The following CDH23 variants were observed in gnomAD, a reference collection of about 807,000 sequenced individuals.
CDH23 encodes cadherin-23.
CDH23 carries 189 observed loss-of-function variants against 317.1 expected under a neutral mutation model. That is an observed-to-expected ratio of 0.60 (90% CI 0.53 to 0.67). The LOEUF (loss-of-function observed/expected upper bound fraction) is 0.67, where lower values mean the gene tolerates loss of function less well. CDH23 is among the 30% of genes least tolerant of loss of function. The probability of loss-of-function intolerance (pLI) is 0.00; values close to 1 mark genes in which losing one functional copy is unlikely to be tolerated. For synonymous variants in CDH23, 1,839 were observed against 1,876.8 expected (o/e 0.98, Z 0.52); for missense variants, 4,401 against 4,592.4 (o/e 0.96, Z 1.20).
At position 71,769,368 on chromosome 10, in the gene CDH23, G is replaced by A. The variant is rs147988419; in HGVS notation, c.4846-8312G>A. Among the ~76,000 whole-genome samples the A allele has an allele frequency of 2.9e-3, 443 of 152,150 alleles. 2 individuals are homozygous for A. The highest frequency in any genetic ancestry group is 0.01 in the African/African-American group (420 of 41,478). On this transcript the variant is annotated intron_variant, in intron 38 of 69. Coordinates refer to ENST00000224721, the MANE Select transcript of CDH23 (RefSeq NM_022124.6). Reference sequence around the variant, plus strand: ...TACCCTTATATGGTTTTCCTGTTACGTTCTTTTATGGTTTTGTTCTATTTA... The same window carrying A: ...TACCCTTATATGGTTTTCCTGTTACATTCTTTTATGGTTTTGTTCTATTTA...
intron 2 of CDH23, among the ~76,000 whole-genome samples, chr10:71,440,443 T>G (rs1849822342): frequency 6.9e-6 from 1 of 145,148 alleles, no homozygotes; most frequent in Non-Finnish European, 1.5e-5. Context: ...AAAAGATGAA[T>G]TGGGCCTGAG....
intron 6 of CDH23, among the ~76,000 whole-genome samples, chr10:71,524,103 T>C (rs746488166): frequency 6.6e-6 from 1 of 152,238 alleles, no homozygotes; most frequent in Non-Finnish European, 1.5e-5. Flanking sequence ...GCAGCAGAGC[T>C]TCTATAGCTT....
At chr10:71,730,996 C>T (rs958169210) in intron 31 of CDH23, among the ~76,000 whole-genome samples, 2 of 152,260 alleles carry the variant, frequency 1.3e-5, no homozygotes, top group Admixed American at 1.3e-4. Context: ...CCTTCCAGGA[C>T]CAGCTCAGGG....
chr10:71,614,907 T>G (rs1861100123), intron 9 of CDH23, among the ~76,000 whole-genome samples: 3 of 152,244 alleles, frequency 2.0e-5, no homozygotes, highest in African/African-American at 7.2e-5. Flanking sequence ...TAGATAATTT[T>G]TGCCAGTACT....
intron 9 of CDH23, among the ~76,000 whole-genome samples, chr10:71,590,038 AT>A (rs1859363813): frequency 6.6e-6 from 1 of 152,106 alleles, no homozygotes; most frequent in Non-Finnish European, 1.5e-5. Context: ...CTGTAAGCCC[AT>A]TTTTCTCCAC....
intron 37 of CDH23, among the ~76,000 whole-genome samples, chr10:71,741,198 CTG>C (rs1002681457): frequency 3.9e-5 from 6 of 152,198 alleles, no homozygotes; most frequent in African/African-American, 1.4e-4. Flanking sequence ...AGACAGGAAA[CTG>C]AGGTTTACCC....
chr10:71,795,367 C>A (rs921600352), intron 48 of CDH23, among the ~76,000 whole-genome samples: 1 of 152,110 alleles, frequency 6.6e-6, no homozygotes, highest in Non-Finnish European at 1.5e-5. Flanking sequence ...ATAGAACCAG[C>A]TACATCCCAG....
In CDH23 at chr10:71,503,185, C is replaced by T. The variant is rs75610594; in HGVS notation, c.146-6897C>T. On this transcript the variant is annotated intron_variant, in intron 3 of 69. Coordinates refer to ENST00000224721, the MANE Select transcript of CDH23 (RefSeq NM_022124.6). ...ACCAGCTTTGCAACTCCCAAGGGGC[C>T]TTAGCAGTCTGGTGGGCAGATTCCT... Among the ~76,000 whole-genome samples, 497 of 152,342 alleles carry T rather than the reference C, an allele frequency of 3.3e-3. 2 individuals are homozygous for T. The highest frequency in any genetic ancestry group is 0.012 in the African/African-American group (485 of 41,580).
At chr10:71,663,031 C>T (rs1046797224) in intron 14 of CDH23, among the ~76,000 whole-genome samples, 1 of 152,196 alleles carries the variant, frequency 6.6e-6, no homozygotes, top group African/African-American at 2.4e-5. Flanking sequence ...TTTATGAGGA[C>T]ACTTGTCATT....
At chr10:71,602,158 G>A (rs950456658) in intron 9 of CDH23, among the ~76,000 whole-genome samples, 6 of 152,010 alleles carry the variant, frequency 3.9e-5, no homozygotes, top group Non-Finnish European at 5.9e-5. Flanking sequence ...GGCTCAAGGT[G>A]TGTGTGATGG....
At chr10:71,491,299 T>C (rs1852645081) in intron 3 of CDH23, among the ~76,000 whole-genome samples, 1 of 152,164 alleles carries the variant, frequency 6.6e-6, no homozygotes, top group African/African-American at 2.4e-5. Context: ...CCCCCAGTGC[T>C]GCTGTCAGTC....
intron 3 of CDH23, among the ~76,000 whole-genome samples, chr10:71,458,728 G>A (rs1850820256): frequency 1.3e-5 from 2 of 152,222 alleles, no homozygotes; most frequent in South Asian, 4.1e-4. Context: ...GCTGCAGTGA[G>A]AATTAAGTAA....
At chr10:71,766,122 C>T (rs909464310) in intron 38 of CDH23, among the ~76,000 whole-genome samples, 4 of 152,234 alleles carry the variant, frequency 2.6e-5, no homozygotes, top group African/African-American at 9.6e-5. Flanking sequence ...GGAAGCTGTG[C>T]AGCCCGGCTA....
intron 30 of CDH23, among the ~76,000 whole-genome samples, chr10:71,727,838 C>A (rs1273682160): frequency 6.6e-6 from 1 of 152,186 alleles, no homozygotes; most frequent in Non-Finnish European, 1.5e-5. Context: ...CCAGTTGCTC[C>A]CACTTGCTCA....
intron 1 of CDH23, among the ~76,000 whole-genome samples, chr10:71,406,651 A>C (rs914167418): frequency 2.0e-5 from 3 of 152,248 alleles, no homozygotes; most frequent in Non-Finnish European, 4.4e-5. Context: ...TTTTCAAAAG[A>C]ATCTAAACAT....
intron 34 of CDH23, among the ~76,000 whole-genome samples, chr10:71,735,900 C>A (rs1404978910): frequency 1.3e-5 from 2 of 152,222 alleles, no homozygotes; most frequent in African/African-American, 4.8e-5. Flanking sequence ...GCAGTGGGTG[C>A]CGAGCCACCT....
At chr10:71,769,347 C>T (rs1172669507) in intron 38 of CDH23, among the ~76,000 whole-genome samples, 3 of 152,148 alleles carry the variant, frequency 2.0e-5, no homozygotes, top group Non-Finnish European at 4.4e-5. Context: ...ATTCAATACC[C>T]TTATATGGTT....
At chr10:71,463,859 C>T (rs1200631277) in intron 3 of CDH23, among the ~76,000 whole-genome samples, 1 of 152,242 alleles carries the variant, frequency 6.6e-6, no homozygotes, top group Admixed American at 6.5e-5. Context: ...GGGTTCCCTA[C>T]ACTGGCCACT....
intron 9 of CDH23, among the ~76,000 whole-genome samples, chr10:71,589,315 T>A (rs1859301412): frequency 6.6e-6 from 1 of 152,184 alleles, no homozygotes; most frequent in African/African-American, 2.4e-5. Flanking sequence ...AGACAGGGTT[T>A]CACCATATTG....
Sources: allele counts gnomAD v4.1 joint callset (sites outside exome capture counted in the v4.1 genomes callset), GRCh38; gene constraint gnomAD v4.1.1; transcripts MANE v1.5; gene names NCBI Gene and HGNC (gene_info 2026-07-23, HGNC 2026-07-21).